The following ZDHHC14 variants were observed in gnomAD, a reference collection of about 807,000 sequenced individuals.
ZDHHC14 encodes palmitoyltransferase ZDHHC14.
A neutral mutation model predicts 47.7 loss-of-function variants in ZDHHC14; 16 were observed. That is an observed-to-expected ratio of 0.34 (90% CI 0.23 to 0.51). The LOEUF is 0.51. Among genes scored for constraint, ZDHHC14 ranks in the 20% least tolerant of loss-of-function variants. The pLI, the probability that ZDHHC14 is intolerant of heterozygous loss-of-function variation, is 0.97. For missense variants in ZDHHC14, 515 were observed against 662.5 expected (o/e 0.78, Z 2.44); for synonymous variants, 293 against 278.9 (o/e 1.05, Z -0.50).
At chr6:157,568,205 A>G (rs1782977293) in intron 2 of ZDHHC14, among the ~76,000 whole-genome samples, 2 of 152,324 alleles carry the variant, frequency 1.3e-5, no homozygotes, top group South Asian at 4.1e-4. Flanking sequence ...CTATTTCCAA[A>G]CTGTTTCAAA....
At chr6:157,620,421 A>G (rs1209511094) in intron 3 of ZDHHC14, among the ~76,000 whole-genome samples, 1 of 152,182 alleles carries the variant, frequency 6.6e-6, no homozygotes, top group African/African-American at 2.4e-5. Flanking sequence ...TTAAGTTTCA[A>G]TGTGAGTTTC....
chr6:157,518,308 T>C (rs1780775054), intron 1 of ZDHHC14, among the ~76,000 whole-genome samples: 1 of 148,060 alleles, frequency 6.8e-6, no homozygotes, highest in Non-Finnish European at 1.5e-5. Context: ...GTGGTCCCTG[T>C]TGGGCAGTAG....
intron 2 of ZDHHC14, among the ~76,000 whole-genome samples, chr6:157,568,372 GT>G (rs1220342397): frequency 6.6e-6 from 1 of 152,082 alleles, no homozygotes; most frequent in African/African-American, 2.4e-5. Context: ...TATCCTTCCA[GT>G]TTTTTTCTCT....
intron 1 of ZDHHC14, among the ~76,000 whole-genome samples, chr6:157,448,984 C>T (rs1441780478): frequency 2.6e-5 from 4 of 152,240 alleles, no homozygotes; most frequent in Non-Finnish European, 5.9e-5. Context: ...GGCCTAGTGG[C>T]TTGCCCAAGG....
chr6:157,616,540 C>T (rs1177260392), intron 3 of ZDHHC14, among the ~76,000 whole-genome samples: 7 of 152,116 alleles, frequency 4.6e-5, no homozygotes, highest in Non-Finnish European at 1.0e-4. Flanking sequence ...AGAGGACGAG[C>T]GGCCCTGTGC....
intron 1 of ZDHHC14, among the ~76,000 whole-genome samples, chr6:157,524,436 T>C (rs1026717885): frequency 1.3e-5 from 2 of 152,200 alleles, no homozygotes; most frequent in Non-Finnish European, 1.5e-5. Flanking sequence ...ACCCGGCATA[T>C]TTGCAATTTT....
chr6:157,596,472 C>G (rs780412365), intron 3 of ZDHHC14, among the ~76,000 whole-genome samples: 1 of 152,138 alleles, frequency 6.6e-6, no homozygotes, highest in African/African-American at 2.4e-5. Flanking sequence ...CCAGGCCGTT[C>G]AGAAGAGCAG....
intron 1 of ZDHHC14, among the ~76,000 whole-genome samples, chr6:157,437,084 C>T (rs1446909009): frequency 2.0e-5 from 3 of 152,130 alleles, no homozygotes; most frequent in Admixed American, 6.5e-5. Flanking sequence ...CTTCCATAGC[C>T]CTACCCTGGG....
chr6:157,406,515 T>C (rs1216167185), intron 1 of ZDHHC14, among the ~76,000 whole-genome samples: 5 of 152,238 alleles, frequency 3.3e-5, no homozygotes, highest in Non-Finnish European at 7.3e-5. Context: ...AGAAGAAATA[T>C]CTGGTTAAGC....
intron 1 of ZDHHC14, among the ~76,000 whole-genome samples, chr6:157,499,328 G>A (rs752531917): frequency 2.0e-5 from 3 of 152,148 alleles, no homozygotes; most frequent in Admixed American, 6.5e-5. Flanking sequence ...TCTTGTGAGG[G>A]TGGCTTCCTG....
chr6:157,486,007 G>A (rs1047960325), intron 1 of ZDHHC14, among the ~76,000 whole-genome samples: 4 of 152,146 alleles, frequency 2.6e-5, no homozygotes, highest in Middle Eastern at 3.2e-3. Context: ...AGTGAAACTC[G>A]GTGCCCCCTC....
At chr6:157,450,697 C>T (rs545275696) in intron 1 of ZDHHC14, among the ~76,000 whole-genome samples, 1 of 152,076 alleles carries the variant, frequency 6.6e-6, no homozygotes, top group Non-Finnish European at 1.5e-5. Context: ...TACTGCAAGC[C>T]TATTGATGCA....
chr6:157,637,863 A>G (rs1286266961), intron 5 of ZDHHC14, among the ~76,000 whole-genome samples: 1 of 152,238 alleles, frequency 6.6e-6, no homozygotes, highest in Non-Finnish European at 1.5e-5. Flanking sequence ...AGGAAGCGAG[A>G]GAGATTAGAA....
intron 2 of ZDHHC14, among the ~76,000 whole-genome samples, chr6:157,584,052 T>C (rs1783604846): frequency 6.6e-6 from 1 of 152,160 alleles, no homozygotes; most frequent in African/African-American, 2.4e-5. Context: ...GCAGTATGGT[T>C]GAAGCACTCA....
intron 3 of ZDHHC14, among the ~76,000 whole-genome samples, chr6:157,611,397 G>A (rs1399968548): frequency 1.3e-5 from 2 of 152,140 alleles, no homozygotes; most frequent in African/African-American, 2.4e-5. Flanking sequence ...TTTTTATTCT[G>A]TGCATTTATT....
In ZDHHC14 at chr6:157,676,863, G is replaced by A. The variant is rs562968425; in HGVS notation, c.*3741G>A. ...AGGAACCAACTGCTTCTCAGCCTCG[G>A]CTTAGGGTCTTAAGTTCACCAGAAG... On this transcript the variant is annotated 3_prime_UTR_variant, in exon 9 of 9. Transcript: ENST00000359775. 6.6e-6 allele frequency: 1 copy of A among 152,366 alleles called. No homozygotes were observed. The highest frequency in any genetic ancestry group is 2.4e-5 in the African/African-American group (1 of 41,564). 9.4% of individuals were successfully genotyped at this position (152,366 alleles called of 1,614,324 possible). A position where few individuals can be genotyped will look rare whatever the true frequency, so the allele number is the denominator to read the frequency against.
chr6:157,471,190 T>A (rs144228060), intron 1 of ZDHHC14, among the ~76,000 whole-genome samples: 34 of 152,322 alleles, frequency 2.2e-4, no homozygotes, highest in African/African-American at 7.2e-4. Flanking sequence ...CCCAGGACTT[T>A]GATTTGATGG....
At chr6:157,554,663 C>T (rs567612816) in intron 2 of ZDHHC14, among the ~76,000 whole-genome samples, 5 of 152,318 alleles carry the variant, frequency 3.3e-5, no homozygotes, top group African/African-American at 9.6e-5. Context: ...TGAAATCTCT[C>T]GGATGTATCC....
At chr6:157,487,443 A>G (rs1408481590) in intron 1 of ZDHHC14, among the ~76,000 whole-genome samples, 1 of 152,210 alleles carries the variant, frequency 6.6e-6, no homozygotes, top group African/African-American at 2.4e-5. Context: ...CAAAATAAAG[A>G]AAAAAGTGAT....
Sources: allele counts gnomAD v4.1 joint callset (sites outside exome capture counted in the v4.1 genomes callset), GRCh38; gene constraint gnomAD v4.1.1; transcripts MANE v1.5; gene names NCBI Gene and HGNC (gene_info 2026-07-23, HGNC 2026-07-21).